SRD5A2: variants seen among roughly 807,000 people sequenced by gnomAD.
The protein encoded by SRD5A2 is steroid 5 alpha-reductase 2.
In SRD5A2, 30 loss-of-function variants were observed where a neutral mutation model predicts 27.4. That is an observed-to-expected ratio of 1.10 (90% CI 0.82 to 1.49). The LOEUF (loss-of-function observed/expected upper bound fraction) is 1.49. SRD5A2 is among the 40% of genes most tolerant of loss of function. The pLI is 0.00. For synonymous variants in SRD5A2, 141 were observed against 133.6 expected, an observed-to-expected ratio of 1.06 and a Z score of -0.38; for missense variants, 348 against 323.4, an observed-to-expected ratio of 1.08 and a Z score of -0.58.
chr2:31,643,156 C>T, the SRD5A2 span, among the ~76,000 whole-genome samples: 1 of 152,048 alleles, frequency 6.6e-6, no homozygotes, highest in Non-Finnish European at 1.5e-5. Flanking sequence ...AAGATTTGTG[C>T]ATTTCATTAT....
chr2:31,558,051 G>A (rs1376202927), intron 1 of SRD5A2, among the ~76,000 whole-genome samples: 1 of 152,140 alleles, frequency 6.6e-6, no homozygotes, highest in African/African-American at 2.4e-5. Context: ...TTTTAGCCAT[G>A]GAGCATTTTC....
the SRD5A2 span, among the ~76,000 whole-genome samples, chr2:31,602,310 C>A: frequency 2.6e-5 from 4 of 151,948 alleles, no homozygotes; most frequent in Admixed American, 2.6e-4. Context: ...CTCCCGTTCA[C>A]AATTGCCACA....
chr2:31,574,066 C>G (rs1362604843), intron 1 of SRD5A2, among the ~76,000 whole-genome samples: 2 of 152,228 alleles, frequency 1.3e-5, no homozygotes, highest in African/African-American at 4.8e-5. Flanking sequence ...CTAGGGCCCT[C>G]TCAGATGAAT....
In SRD5A2 at chr2:31,575,803, T is replaced by A. The variant is rs570360204; in HGVS notation, c.281+4817A>T. Among the ~76,000 whole-genome samples the A allele has an allele frequency of 2.6e-5, 4 of 152,172 alleles. No homozygotes were observed. In the South Asian group the frequency reaches 8.3e-4, roughly 32 times the overall value. ...GTCACTTCTTCTCTGGAAAAAAAAATGTTTCTTTGTCTTGTTCATTCAGTT... is the reference window on the plus strand; with the variant it reads ...GTCACTTCTTCTCTGGAAAAAAAAAAGTTTCTTTGTCTTGTTCATTCAGTT... On this transcript the variant is annotated intron_variant, in intron 1 of 4. Transcript: ENST00000622030.
At chr2:31,647,107 T>TGG in the SRD5A2 span, among the ~76,000 whole-genome samples, 2 of 151,830 alleles carry the variant, frequency 1.3e-5, no homozygotes, top group African/African-American at 2.4e-5. Flanking sequence ...ATCACACCAC[T>TGG]GCACTCCAGC....
At chr2:31,662,231 T>A in the SRD5A2 span, among the ~76,000 whole-genome samples, 1 of 152,324 alleles carries the variant, frequency 6.6e-6, no homozygotes, top group East Asian at 1.9e-4. Context: ...ACATTATGAA[T>A]GACATGTTGT....
chr2:31,580,451 C>A (rs895644192), intron 1 of SRD5A2, among the ~76,000 whole-genome samples, 169 bp downstream of exon 1: 1 of 152,152 alleles, frequency 6.6e-6, no homozygotes, highest in East Asian at 2.0e-4. Flanking sequence ...AGCGTCCAAG[C>A]CCCGGCCCCG....
At chr2:31,597,267 C>T in the SRD5A2 span, among the ~76,000 whole-genome samples, 3 of 151,918 alleles carry the variant, frequency 2.0e-5, no homozygotes, top group South Asian at 6.2e-4. Flanking sequence ...ATTGGCAAAC[C>T]ACATGTAGAA....
intron 1 of SRD5A2, among the ~76,000 whole-genome samples, chr2:31,579,450 T>TC (rs1384506104): frequency 6.6e-6 from 1 of 152,232 alleles, no homozygotes; most frequent in Non-Finnish European, 1.5e-5. Flanking sequence ...GGCAAAACCT[T>TC]CAAGGTTTTG....
chr2:31,604,280 G>C, the SRD5A2 span, among the ~76,000 whole-genome samples: 1 of 151,680 alleles, frequency 6.6e-6, no homozygotes, highest in East Asian at 1.9e-4. Context: ...TTTCTAGCTA[G>C]AACAATTGGA....
intron 1 of SRD5A2, among the ~76,000 whole-genome samples, chr2:31,543,803 G>C (rs1375763650): frequency 6.6e-6 from 1 of 152,086 alleles, no homozygotes; most frequent in Non-Finnish European, 1.5e-5. Flanking sequence ...ATACGGTGTA[G>C]AGAAAACAAA....
At chr2:31,656,338 T>G in the SRD5A2 span, among the ~76,000 whole-genome samples, 1 of 152,184 alleles carries the variant, frequency 6.6e-6, no homozygotes, top group Non-Finnish European at 1.5e-5. Flanking sequence ...GCCATTCTAC[T>G]CAACCTCCTT....
chr2:31,655,047 G>T, the SRD5A2 span, among the ~76,000 whole-genome samples: 1 of 152,112 alleles, frequency 6.6e-6, no homozygotes, highest in Non-Finnish European at 1.5e-5. Flanking sequence ...TAATAAAGTT[G>T]AAACAGAGAA....
the SRD5A2 span, among the ~76,000 whole-genome samples, chr2:31,662,144 T>C: frequency 1.3e-5 from 2 of 152,162 alleles, no homozygotes; most frequent in East Asian, 3.9e-4. Flanking sequence ...TCAGCTCCTA[T>C]AAACTGATTT....
chr2:31,550,517 G>A (rs935237285), intron 1 of SRD5A2, among the ~76,000 whole-genome samples: 1 of 151,848 alleles, frequency 6.6e-6, no homozygotes, highest in Non-Finnish European at 1.5e-5. Context: ...ACAGAATTCA[G>A]TAATTCTATA....
chr2:31,618,646 G>C, the SRD5A2 span, among the ~76,000 whole-genome samples: 3 of 152,106 alleles, frequency 2.0e-5, no homozygotes, highest in African/African-American at 7.2e-5. Context: ...AAAACAGAGA[G>C]TAGAAGGGTG....
At chr2:31,572,225 A>G (rs1293810575) in intron 1 of SRD5A2, among the ~76,000 whole-genome samples, 1 of 152,222 alleles carries the variant, frequency 6.6e-6, no homozygotes, top group South Asian at 2.1e-4. Context: ...AACCAACTGC[A>G]TATCCTCACT....
chr2:31,546,654 G>A (rs1666268255), intron 1 of SRD5A2, among the ~76,000 whole-genome samples: 1 of 152,186 alleles, frequency 6.6e-6, no homozygotes, highest in South Asian at 2.1e-4. Flanking sequence ...AAGGGTGAGA[G>A]GGGGCTAAGG....
chr2:31,645,231 A>G, the SRD5A2 span, among the ~76,000 whole-genome samples: 1 of 152,210 alleles, frequency 6.6e-6, no homozygotes, highest in East Asian at 1.9e-4. Context: ...GAAAAAATGA[A>G]TAAGACCTAC....
Sources: gnomAD v4.1 joint callset for allele counts (sites outside exome capture counted in the v4.1 genomes callset) on GRCh38, gnomAD v4.1.1 for gene constraint, MANE v1.5 for transcripts, NCBI Gene and HGNC (gene_info 2026-07-23, HGNC 2026-07-21) for gene names.